FAM184A: variants seen among roughly 807,000 people sequenced by gnomAD.
FAM184A encodes the protein family with sequence similarity 184 member A, also known as protein FAM184A.
In FAM184A, 99 loss-of-function variants were observed where a neutral mutation model predicts 143.8. The observed-to-expected ratio is 0.69, with a 90% CI of 0.58 to 0.81. FAM184A has a LOEUF of 0.81. Ranked by LOEUF, FAM184A falls within the 40% of genes least tolerant of loss-of-function variation. FAM184A has a pLI of 0.00. For synonymous variants in FAM184A, 427 were observed against 446.4 expected (o/e 0.96, Z 0.55); for missense variants, 1,217 against 1,310.5 (o/e 0.93, Z 1.10).
chr6:119,067,435 T>C (rs922524182), intron 1 of FAM184A, among the ~76,000 whole-genome samples: 6 of 152,214 alleles, frequency 3.9e-5, no homozygotes, highest in African/African-American at 1.4e-4. Flanking sequence ...TTGATCTTCT[T>C]TACTCATGGA....
intron 1 of FAM184A, among the ~76,000 whole-genome samples, chr6:119,091,997 C>T (rs1238174440): frequency 6.6e-6 from 1 of 152,140 alleles, no homozygotes; most frequent in African/African-American, 2.4e-5. Flanking sequence ...GACATCTACC[C>T]AAGGGGTAGC....
chr6:119,000,529 T>C (rs145915082), intron 9 of FAM184A, among the ~76,000 whole-genome samples: 215 of 152,254 alleles, frequency 1.4e-3, no homozygotes, highest in Admixed American at 8.7e-3. Context: ...AAATGAAAAT[T>C]TTATGCTTTT....
chr6:119,003,108 A>C, intron 8 of FAM184A, 59 bp from the exon 9 acceptor site: 1 of 1,453,842 alleles, frequency 6.9e-7, no homozygotes, highest in Non-Finnish European at 9.3e-7. Context: ...ACTGACTGTA[A>C]TAGAGTCTAC....
Position 118,960,109 on chromosome 6 carries a change from T to G in FAM184A, c.3417A>C (p.Thr1139=). The G allele has an allele frequency of 6.2e-7, 1 of 1,612,968 alleles. No homozygotes were observed. ...QRQEWFARYF[T]F is the part of the protein sequence containing the mutation. ...CTGTGCCAACACAATTCTTTCAGAA[T>G]GTGAAGTACCGGGCAAACCACTCCT... The change falls in exon 18 of 18, where the codon ACA becomes ACC. Residue 1139 remains threonine (T), a synonymous_variant. Coordinates refer to ENST00000338891, the MANE Select transcript of FAM184A (RefSeq NM_024581.6).
In FAM184A at chr6:119,029,334, T is replaced by C. The variant is rs913554135; in HGVS notation, c.160-4521A>G. The stretch of plus-strand genomic sequence containing the variant: ...GAGGAAATATGTGAGTTTCCCCTTG[T>C]CGACAATTTATTGAAATAATCTTCT... On this transcript the variant is annotated intron_variant, in intron 1 of 17. Transcript: ENST00000338891. 3.3e-5 allele frequency among the ~76,000 whole-genome samples: 5 copies of C among 152,258 alleles called. No individual in the cohort carries two copies. The East Asian group carries it at 9.6e-4, about 29-fold the overall frequency.
rs148827976 is a variant in FAM184A, at chr6:119,112,896, C to T, written c.-202+36182G>A. 3.8e-3 allele frequency among the ~76,000 whole-genome samples: 571 copies of T among 152,248 alleles called. 1 individual carries two copies. The highest frequency in any genetic ancestry group is 6.7e-3 in the Non-Finnish European group (454 of 68,002). ...TGTGTGGGATAAAGGATGCCTTCTG[C>T]GAAGAAAATCAGCAAAATGACCAAC... On this transcript the variant is annotated intron_variant, in intron 1 of 16. Coordinates refer to the FAM184A transcript ENST00000352896.
At chr6:119,034,019 A>ATATAT (rs1209303550) in intron 1 of FAM184A, among the ~76,000 whole-genome samples, 1 of 63,536 alleles carries the variant, frequency 1.6e-5, no homozygotes, top group Non-Finnish European at 2.6e-5. Context: ...AAAAAAAAAA[A>ATATAT]ATATATATAT....
chr6:119,105,439 T>G (rs748123308), intron 1 of FAM184A, among the ~76,000 whole-genome samples: 1 of 152,160 alleles, frequency 6.6e-6, no homozygotes, highest in Non-Finnish European at 1.5e-5. Context: ...TCACTCGCTG[T>G]CTCTCCTGCT....
chr6:119,042,534 C>T (rs756948168), intron 1 of FAM184A, among the ~76,000 whole-genome samples: 6 of 152,194 alleles, frequency 3.9e-5, no homozygotes, highest in Non-Finnish European at 7.4e-5. Context: ...CTGAAGTTGC[C>T]GTGGACCCAT....
intron 1 of FAM184A, among the ~76,000 whole-genome samples, chr6:119,104,315 T>C (rs1055087222): frequency 6.6e-6 from 1 of 152,216 alleles, no homozygotes; most frequent in Admixed American, 6.5e-5. Context: ...CCAACCATAG[T>C]TCTAAAAAGA....
chr6:119,108,763 T>G lies in FAM184A; in HGVS notation c.-202+40315A>C, dbSNP rs543671695. 3.3e-5 allele frequency among the ~76,000 whole-genome samples: 5 copies of G among 152,226 alleles called. No individual in the cohort carries two copies. The South Asian group carries it at 6.2e-4, about 19-fold the overall frequency. ...TCAGGAGCTGACACTCAGTACAAGC[T>G]TGGGTACCTGGGATGCTCCTGGGTT... is the stretch of plus-strand genomic sequence containing the variant. On this transcript the variant is annotated intron_variant, in intron 1 of 16. Coordinates refer to the FAM184A transcript ENST00000352896.
At chr6:119,065,142 G>A (rs902447186) in intron 1 of FAM184A, among the ~76,000 whole-genome samples, 2 of 152,136 alleles carry the variant, frequency 1.3e-5, no homozygotes, top group Non-Finnish European at 2.9e-5. Context: ...GTTGGTCCAT[G>A]TAACCAATAG....
At chr6:119,094,605 G>T (rs1788457268) in intron 1 of FAM184A, among the ~76,000 whole-genome samples, 1 of 152,176 alleles carries the variant, frequency 6.6e-6, no homozygotes, top group Non-Finnish European at 1.5e-5. Context: ...ATCCCGAGGG[G>T]ATGCTTTCTC....
At chr6:118,978,402 G>A (rs1783912259) in intron 11 of FAM184A, among the ~76,000 whole-genome samples, 2 of 152,194 alleles carry the variant, frequency 1.3e-5, no homozygotes, top group Admixed American at 6.5e-5. Flanking sequence ...TTTCTATAAA[G>A]GCGACCTCTA....
intron 1 of FAM184A, among the ~76,000 whole-genome samples, chr6:119,027,750 C>T (rs1031931857): frequency 1.3e-5 from 2 of 152,134 alleles, no homozygotes; most frequent in Non-Finnish European, 2.9e-5. Context: ...AGGCTTGAAA[C>T]CCCACTGAAT....
intron 1 of FAM184A, among the ~76,000 whole-genome samples, chr6:119,106,796 T>A (rs1284131333): frequency 6.6e-6 from 1 of 152,094 alleles, no homozygotes; most frequent in Non-Finnish European, 1.5e-5. Flanking sequence ...TGAAAACTGT[T>A]TGGGAGGTAA....
At chr6:119,052,446 G>A (rs1040395042) in intron 1 of FAM184A, among the ~76,000 whole-genome samples, 1 of 152,134 alleles carries the variant, frequency 6.6e-6, no homozygotes, top group African/African-American at 2.4e-5. Flanking sequence ...TCTGGCATTA[G>A]GCCTAGGACC....
At chr6:119,009,695 G>A (rs932462447) in intron 6 of FAM184A, 7 of 151,988 alleles carry the variant, frequency 4.6e-5, no homozygotes, top group African/African-American at 1.7e-4. Context: ...TTATTTTGAC[G>A]AGCCCTTGTT....
intron 1 of FAM184A, among the ~76,000 whole-genome samples, chr6:119,076,191 A>T (rs1229185123): frequency 1.3e-5 from 2 of 152,222 alleles, no homozygotes; most frequent in Non-Finnish European, 2.9e-5. Context: ...AATGCACAGG[A>T]TATCCCACAA....
Sources: gnomAD v4.1 joint callset for allele counts (sites outside exome capture counted in the v4.1 genomes callset) on GRCh38, gnomAD v4.1.1 for gene constraint, MANE v1.5 for transcripts, NCBI Gene and HGNC (gene_info 2026-07-23, HGNC 2026-07-21) for gene names.